Variants in VPS8 observed in about 807,000 individuals in gnomAD.
The protein encoded by VPS8 is vacuolar protein sorting-associated protein 8 homolog.
In VPS8, 129 loss-of-function variants were observed where a neutral mutation model predicts 216.4. That is an observed-to-expected ratio of 0.60 (90% CI 0.52 to 0.69). VPS8 has a LOEUF of 0.69. Ranked by LOEUF, VPS8 falls within the 30% of genes least tolerant of loss-of-function variation. The pLI, the probability that VPS8 is intolerant of heterozygous loss-of-function variation, is 0.00. For synonymous variants in VPS8, 571 were observed against 565.4 expected (o/e 1.01, Z -0.14); for missense variants, 1,531 against 1,683.5 (o/e 0.91, Z 1.59).
At chr3:184,854,626 A>G (rs1270512326) in intron 13 of VPS8, among the ~76,000 whole-genome samples, 1 of 152,126 alleles carries the variant, frequency 6.6e-6, no homozygotes, top group Non-Finnish European at 1.5e-5. Context: ...CCTGATTTTC[A>G]GTGTTTGAAA....
chr3:184,889,343 T>C (rs1578095485), intron 22 of VPS8, among the ~76,000 whole-genome samples: 2 of 152,306 alleles, frequency 1.3e-5, no homozygotes, highest in East Asian at 3.9e-4. Flanking sequence ...ACAGCAGTCA[T>C]AGTATATACT....
intron 14 of VPS8, among the ~76,000 whole-genome samples, chr3:184,859,610 G>A (rs1024240193): frequency 6.6e-6 from 1 of 152,136 alleles, no homozygotes; most frequent in African/African-American, 2.4e-5. Flanking sequence ...CATCACTGCA[G>A]CATCTCTTTT....
Position 184,944,043 on chromosome 3 carries a change from A to G in VPS8, c.3035+3800A>G, listed in dbSNP as rs527704841. ...CTTGAACCTGGGAGGCAGAGGTTGCACACACACACACACACACACAAACAA... is the reference window on the plus strand; with the variant it reads ...CTTGAACCTGGGAGGCAGAGGTTGCGCACACACACACACACACACAAACAA... On this transcript the variant is annotated intron_variant, in intron 36 of 47. Coordinates refer to ENST00000625842, the MANE Select transcript of VPS8 (RefSeq NM_001009921.3). 2.2e-4 allele frequency among the ~76,000 whole-genome samples: 9 copies of G among 40,822 alleles called. No homozygotes were observed. The East Asian group carries it at 3.2e-3, about 15-fold the overall frequency. 26.8% of individuals were successfully genotyped at this position (40,822 alleles called of 152,430 possible). A position where few individuals can be genotyped will look rare whatever the true frequency, so the allele number is the denominator to read the frequency against.
intron 36 of VPS8, among the ~76,000 whole-genome samples, chr3:184,946,230 C>G (rs546681017): frequency 1.3e-5 from 2 of 152,210 alleles, no homozygotes; most frequent in Non-Finnish European, 2.9e-5. Context: ...TTCCCATAAT[C>G]CCAATCTTGT....
In VPS8 at chr3:184,894,708, T is replaced by G; in HGVS notation, c.1787T>G (p.Leu596Arg). The G allele has an allele frequency of 6.3e-7, 1 of 1,595,546 alleles. No homozygotes were observed. Among genetic ancestry groups the G allele is most frequent in the Admixed American group, 1.7e-5 (1 of 57,214 alleles). The change falls in exon 23 of 48, where the codon CTT becomes CGT. Residue 596 changes from leucine (L) to arginine (R), a missense_variant. This residue lies in a region of VPS8 where 1,318 missense variants were observed against 1,468.4 expected (regional missense o/e 0.90). Transcript: ENST00000625842. Reference sequence around the variant, plus strand: ...TCCCCCCCTTTCTGTTACAGGGATCTTTTATTTAGTCAGATGTATGATAAA... The same window carrying G: ...TCCCCCCCTTTCTGTTACAGGGATCGTTTATTTAGTCAGATGTATGATAAA... Reference protein sequence around the residue: ...DYCLLLQRKDLLFSQMYDKLS... With the variant: ...DYCLLLQRKDRLFSQMYDKLS...
At chr3:184,945,816 C>T (rs1054316926) in intron 36 of VPS8, among the ~76,000 whole-genome samples, 1 of 152,164 alleles carries the variant, frequency 6.6e-6, no homozygotes, top group African/African-American at 2.4e-5. Context: ...GAGTCAGTTT[C>T]CTGGAGAACT....
intron 42 of VPS8, among the ~76,000 whole-genome samples, chr3:184,985,086 T>A (rs917161096): frequency 3.3e-5 from 5 of 152,236 alleles, no homozygotes; most frequent in Non-Finnish European, 5.9e-5. Flanking sequence ...TTTGCATGTT[T>A]GTGATTACTG....
intron 35 of VPS8, 31 bp from the exon 36 acceptor site, chr3:184,940,166 T>C: frequency 7.2e-7 from 1 of 1,388,936 alleles, no homozygotes; most frequent in East Asian, 2.7e-5. Flanking sequence ...TTTTAATATT[T>C]AATTGTAATT....
intron 21 of VPS8, among the ~76,000 whole-genome samples, chr3:184,874,978 C>T (rs541011200): frequency 6.7e-6 from 1 of 149,596 alleles, no homozygotes; most frequent in Non-Finnish European, 1.5e-5. Context: ...TGTAACAGCT[C>T]TTGGATTTAT....
chr3:184,985,566 A>G (rs892637395), intron 42 of VPS8, among the ~76,000 whole-genome samples: 1 of 152,172 alleles, frequency 6.6e-6, no homozygotes, highest in East Asian at 1.9e-4. Context: ...GATAATTGCC[A>G]TGCCTACATT....
chr3:184,866,076 C>T (rs955909690), intron 16 of VPS8, among the ~76,000 whole-genome samples: 9 of 151,812 alleles, frequency 5.9e-5, no homozygotes, highest in Non-Finnish European at 8.8e-5. Context: ...TGAAAACACA[C>T]GCTTATATAA....
At chr3:184,994,134 C>G (rs550297090) in intron 43 of VPS8, 71 bp downstream of exon 43, 1 of 1,160,706 alleles carries the variant, frequency 8.6e-7, no homozygotes, top group East Asian at 3.0e-5. Context: ...AATTTTGTAC[C>G]TATACTTAAA....
At chr3:184,858,676 C>T (rs978859398) in intron 14 of VPS8, among the ~76,000 whole-genome samples, 2 of 152,136 alleles carry the variant, frequency 1.3e-5, no homozygotes, top group Admixed American at 6.5e-5. Context: ...CATTTGTCTG[C>T]CAAAGCTTTG....
intron 45 of VPS8, among the ~76,000 whole-genome samples, chr3:185,000,163 A>AG (rs1455411230): frequency 6.6e-6 from 1 of 152,186 alleles, no homozygotes; most frequent in African/African-American, 2.4e-5. Context: ...ATAGAGTAAC[A>AG]GCTTAGCAAG....
intron 46 of VPS8, among the ~76,000 whole-genome samples, chr3:185,034,286 G>A (rs139656652): frequency 1.6e-3 from 249 of 152,274 alleles, no homozygotes; most frequent in African/African-American, 5.8e-3. Flanking sequence ...ACCATTGATG[G>A]ACATTTGGGT....
chr3:184,886,928 A>G (rs900467982), intron 22 of VPS8, among the ~76,000 whole-genome samples: 1 of 152,332 alleles, frequency 6.6e-6, no homozygotes, highest in Non-Finnish European at 1.5e-5. Flanking sequence ...ATTTTATACT[A>G]TTCAAAAAAG....
At position 184,970,520 on chromosome 3, in the gene VPS8, G is replaced by A. The variant is rs530966606; in HGVS notation, c.3317-1129G>A. ...TGAAGAAAGACTTGAAGGATAAATA[G>A]GAGTTTGATAGAAGCAGGAGAAGAA... On this transcript the variant is annotated intron_variant, in intron 39 of 47. Transcript: ENST00000625842. Among the ~76,000 whole-genome samples the A allele has an allele frequency of 3.9e-5, 6 of 152,272 alleles. No homozygotes were observed. In the South Asian group the frequency reaches 1.2e-3, roughly 32 times the overall value.
intron 44 of VPS8, 50 bp downstream of exon 44, chr3:184,996,551 C>A: frequency 6.6e-7 from 1 of 1,521,698 alleles, no homozygotes; most frequent in Non-Finnish European, 8.9e-7. Context: ...ACATCTGTGG[C>A]ATTACCAGGC....
At chr3:184,984,912 T>A (rs899227014) in intron 42 of VPS8, among the ~76,000 whole-genome samples, 2 of 151,348 alleles carry the variant, frequency 1.3e-5, no homozygotes, top group Non-Finnish European at 2.9e-5. Flanking sequence ...TAAAATTTTT[T>A]ATATTTCAAG....
Sources: allele counts gnomAD v4.1 joint callset (sites outside exome capture counted in the v4.1 genomes callset), GRCh38; gene constraint gnomAD v4.1.1; regional missense constraint gnomAD v4.1.1; transcripts MANE v1.5; gene names NCBI Gene and HGNC (gene_info 2026-07-23, HGNC 2026-07-21).